Variants in CDH20 observed in about 807,000 individuals in gnomAD.
CDH20 encodes cadherin-20.
CDH20 carries 29 observed loss-of-function variants against 74.2 expected under a neutral mutation model. The ratio of observed to expected loss-of-function variants is 0.39; its 90% CI spans 0.29 to 0.53. The LOEUF is 0.53. CDH20 is among the 20% of genes least tolerant of loss of function. The pLI is 0.69. For missense variants in CDH20, 988 were observed against 1,048.3 expected (o/e 0.94, Z 0.79); for synonymous variants, 469 against 405.4 (o/e 1.16, Z -1.88).
At chr18:61,419,059 C>T (rs551124034) in intron 1 of CDH20, among the ~76,000 whole-genome samples, 3 of 152,096 alleles carry the variant, frequency 2.0e-5, no homozygotes, top group South Asian at 4.1e-4. Context: ...AATTATGATA[C>T]GCCCTTAGGG....
chr18:61,432,302 G>C (rs1019661365), intron 1 of CDH20, among the ~76,000 whole-genome samples: 1 of 149,376 alleles, frequency 6.7e-6, no homozygotes, highest in Non-Finnish European at 1.5e-5. Flanking sequence ...ACTGTGCCAC[G>C]GCACTGCCCT....
chr18:61,437,754 T>C (rs1541493), intron 1 of CDH20, among the ~76,000 whole-genome samples: 149,477 of 152,224 alleles, frequency 0.98, 73,436 homozygotes, highest in East Asian at 1. Flanking sequence ...AATGAGAGGT[T>C]GACCATTACA....
At chr18:61,363,948 A>G (rs1910778865) in intron 1 of CDH20, among the ~76,000 whole-genome samples, 1 of 152,184 alleles carries the variant, frequency 6.6e-6, no homozygotes, top group Non-Finnish European at 1.5e-5. Flanking sequence ...AGAAGAAAGA[A>G]AGGGAAGCAC....
intron 6 of CDH20, among the ~76,000 whole-genome samples, chr18:61,523,771 G>A (rs532458538): frequency 6.6e-6 from 1 of 152,184 alleles, no homozygotes; most frequent in Non-Finnish European, 1.5e-5. Context: ...CCTTTTCAGG[G>A]ACATGGATGA....
At chr18:61,500,578 C>G in intron 4 of CDH20, 76 bp downstream of exon 4, 1 of 1,483,622 alleles carries the variant, frequency 6.7e-7, no homozygotes, top group African/African-American at 1.4e-5. Context: ...AGACCCAACT[C>G]TCCTTTTTAA....
At chr18:61,364,784 C>T (rs1910807447) in intron 1 of CDH20, among the ~76,000 whole-genome samples, 2 of 152,218 alleles carry the variant, frequency 1.3e-5, no homozygotes, top group Admixed American at 1.3e-4. Flanking sequence ...TTCCAGCCAG[C>T]AGCACTGTGA....
intron 1 of CDH20, among the ~76,000 whole-genome samples, chr18:61,396,707 A>C (rs1307989162): frequency 6.6e-6 from 1 of 152,238 alleles, no homozygotes; most frequent in African/African-American, 2.4e-5. Flanking sequence ...CCATAAATGC[A>C]CATGTGCAAG....
At chr18:61,399,518 G>A (rs1226129272) in intron 1 of CDH20, among the ~76,000 whole-genome samples, 1 of 151,978 alleles carries the variant, frequency 6.6e-6, no homozygotes, top group Non-Finnish European at 1.5e-5. Context: ...GTTTTGTTCA[G>A]CTCACTGGAT....
At chr18:61,397,744 C>T (rs181380597) in intron 1 of CDH20, among the ~76,000 whole-genome samples, 12 of 152,242 alleles carry the variant, frequency 7.9e-5, no homozygotes, top group Admixed American at 3.3e-4. Context: ...AGCCGTGTAA[C>T]CTTAGGCAAG....
intron 1 of CDH20, among the ~76,000 whole-genome samples, chr18:61,416,792 G>A (rs954011028): frequency 5.9e-5 from 9 of 152,182 alleles, no homozygotes; most frequent in African/African-American, 1.9e-4. Context: ...AATGGGATTC[G>A]TTAGGAAAGA....
chr18:61,354,955 G>T (rs1282631079), intron 1 of CDH20, among the ~76,000 whole-genome samples: 1 of 152,128 alleles, frequency 6.6e-6, no homozygotes, highest in African/African-American at 2.4e-5. Context: ...AGAGTGAAAG[G>T]CAATGCCGTA....
chr18:61,438,621 T>C (rs1436196168), intron 1 of CDH20, among the ~76,000 whole-genome samples: 1 of 152,166 alleles, frequency 6.6e-6, no homozygotes, highest in Non-Finnish European at 1.5e-5. Context: ...CTGGTGAGGC[T>C]ATGGAGAAAA....
At chr18:61,545,180 T>A in intron 10 of CDH20, 36 bp downstream of exon 10, 1 of 1,349,456 alleles carries the variant, frequency 7.4e-7, no homozygotes, top group Non-Finnish European at 1.1e-6. Context: ...TGTGCTTTTC[T>A]ACAGCATAGG....
chr18:61,552,254 C>A (rs1458171806), intron 11 of CDH20, among the ~76,000 whole-genome samples: 1 of 151,484 alleles, frequency 6.6e-6, no homozygotes, highest in African/African-American at 2.4e-5. Context: ...CTATAGTACA[C>A]GAAGAATAAA....
intron 1 of CDH20, among the ~76,000 whole-genome samples, chr18:61,455,197 T>C (rs1187267197): frequency 6.6e-6 from 1 of 152,034 alleles, no homozygotes; most frequent in East Asian, 1.9e-4. Context: ...ACAAGGAAAA[T>C]TGAAGAAATT....
At chr18:61,361,939 G>A (rs1182853246) in intron 1 of CDH20, among the ~76,000 whole-genome samples, 1 of 152,122 alleles carries the variant, frequency 6.6e-6, no homozygotes, top group Non-Finnish European at 1.5e-5. Context: ...CAGTTGTGCA[G>A]TGCTTTATGT....
At position 61,333,433 on chromosome 18, in the gene CDH20, C is replaced by T. The variant is rs1257185518; in HGVS notation, c.-547C>T. ...ACCCGCGGTACAGGCAGGCAGCAGC[C>T]ACTCCTGCTAGGGAAGGCGCGAGGG... On this transcript the variant is annotated 5_prime_UTR_variant, in exon 1 of 12. Coordinates refer to ENST00000262717, the MANE Select transcript of CDH20 (RefSeq NM_031891.4). 3.3e-5 allele frequency: 5 copies of T among 152,410 alleles called. No homozygotes were observed. Among genetic ancestry groups the T allele is most frequent in the Non-Finnish European group, 5.9e-5 (4 of 68,228 alleles). 9.4% of individuals were successfully genotyped at this position (152,410 alleles called of 1,614,324 possible).
chr18:61,430,052 T>C (rs1198779586), intron 1 of CDH20, among the ~76,000 whole-genome samples: 1 of 150,586 alleles, frequency 6.6e-6, no homozygotes, highest in Non-Finnish European at 1.5e-5. Flanking sequence ...GCAACCAGAG[T>C]AGAATATCCA....
chr18:61,502,660 C>T (rs1188542806), intron 4 of CDH20, among the ~76,000 whole-genome samples: 1 of 152,150 alleles, frequency 6.6e-6, no homozygotes, highest in Non-Finnish European at 1.5e-5. Flanking sequence ...ACCACAATTT[C>T]CCAGATCTGT....
Sources: allele counts gnomAD v4.1 joint callset (sites outside exome capture counted in the v4.1 genomes callset), GRCh38; gene constraint gnomAD v4.1.1; transcripts MANE v1.5; gene names NCBI Gene and HGNC (gene_info 2026-07-23, HGNC 2026-07-21).